The following TMEM178B variants were observed in gnomAD, a reference collection of about 807,000 sequenced individuals.
TMEM178B encodes transmembrane protein 178B.
A neutral mutation model predicts 31.0 loss-of-function variants in TMEM178B; 5 were observed. That is an observed-to-expected ratio of 0.16 (90% CI 0.08 to 0.34). TMEM178B has a LOEUF of 0.34. TMEM178B is among the 10% of genes least tolerant of loss of function. The probability of loss-of-function intolerance (pLI) is 1.00; values close to 1 mark genes in which losing one functional copy is unlikely to be tolerated. For synonymous variants in TMEM178B, 164 were observed against 164.0 expected (o/e 1.00, Z 0.00); for missense variants, 275 against 400.3 (o/e 0.69, Z 2.67).
At chr7:141,215,855 T>C (rs555431369) in intron 2 of TMEM178B, among the ~76,000 whole-genome samples, 2,692 of 141,680 alleles carry the variant, frequency 0.019, 85 homozygotes, top group Admixed American at 0.04. Context: ...TTTCTTTTCT[T>C]TCTCTTTCTT....
chr7:141,455,305 C>A (rs934091784), intron 3 of TMEM178B, among the ~76,000 whole-genome samples: 1 of 152,160 alleles, frequency 6.6e-6, no homozygotes, highest in Admixed American at 6.5e-5. Flanking sequence ...ACCAACTCAG[C>A]CTGAGTCTGA....
In TMEM178B at chr7:141,316,183, G is replaced by A. The variant is rs554130205; in HGVS notation, c.496+103479G>A. ...ACTTGGCCCTGTTGACTTTTGCATT[G>A]AAGGATATTAAAGAAAGACAAGATT... On this transcript the variant is annotated intron_variant, in intron 2 of 3. Coordinates refer to ENST00000565468, the MANE Select transcript of TMEM178B (RefSeq NM_001195278.2). 2.0e-5 allele frequency among the ~76,000 whole-genome samples: 3 copies of A among 152,268 alleles called. No homozygotes were observed. The South Asian group carries it at 6.2e-4, about 32-fold the overall frequency.
At chr7:141,221,093 G>C (rs1797250244) in intron 2 of TMEM178B, among the ~76,000 whole-genome samples, 1 of 151,904 alleles carries the variant, frequency 6.6e-6, no homozygotes, top group African/African-American at 2.4e-5. Context: ...TCATTGCAGG[G>C]GAAAAAAAAC....
intron 2 of TMEM178B, among the ~76,000 whole-genome samples, chr7:141,220,436 T>A (rs1797239546): frequency 6.6e-6 from 1 of 151,990 alleles, no homozygotes; most frequent in Non-Finnish European, 1.5e-5. Flanking sequence ...GGGTCAGTGA[T>A]TAAAATGCGC....
intron 2 of TMEM178B, among the ~76,000 whole-genome samples, chr7:141,294,456 T>A (rs150995393): frequency 9.2e-5 from 14 of 152,180 alleles, no homozygotes; most frequent in Non-Finnish European, 1.9e-4. Flanking sequence ...CTGGACTATG[T>A]ACATAAAGAT....
At chr7:141,486,413 G>A in the TMEM178B span, among the ~76,000 whole-genome samples, 1 of 152,146 alleles carries the variant, frequency 6.6e-6, no homozygotes, top group Non-Finnish European at 1.5e-5. Context: ...TTAAAAAAGA[G>A]CCCTGCTTCA....
intron 3 of TMEM178B, among the ~76,000 whole-genome samples, chr7:141,451,055 C>T (rs190456425): frequency 6.6e-6 from 1 of 152,306 alleles, no homozygotes; most frequent in African/African-American, 2.4e-5. Context: ...CTCCTCCACT[C>T]CCACCAGCAA....
rs551137621 is a variant in TMEM178B at position 141,319,720 on chromosome 7, T to A, written c.496+107016T>A. Among the ~76,000 whole-genome samples the A allele has an allele frequency of 2.1e-4, 32 of 152,318 alleles. No individual in the cohort carries two copies. In the South Asian group the frequency reaches 5.8e-3, roughly 28 times the overall value. On this transcript the variant is annotated intron_variant, in intron 2 of 3. Coordinates refer to ENST00000565468, the MANE Select transcript of TMEM178B (RefSeq NM_001195278.2). ...GCCTGGCTAATTTTGGTGTTTTTAG[T>A]AGAGACGGGGTTTCACCATGTTGGC...
rs188006195 is a variant in TMEM178B, at chr7:141,479,768, C to G, written c.*8982C>G. ...GTTTATGGCCCACCAGATTATTGCT[C>G]AGTCAATATAAATTTATTTACCTTT... On this transcript the variant is annotated 3_prime_UTR_variant, in exon 4 of 4. Coordinates refer to ENST00000565468, the MANE Select transcript of TMEM178B (RefSeq NM_001195278.2). The G allele has an allele frequency of 6.6e-5, 10 of 152,294 alleles. No individual in the cohort carries two copies. Among genetic ancestry groups the G allele is most frequent in the Admixed American group, 4.6e-4 (7 of 15,302 alleles). 9.4% of individuals were successfully genotyped at this position (152,294 alleles called of 1,614,324 possible).
chr7:141,427,966 A>G (rs1801351139), intron 2 of TMEM178B, among the ~76,000 whole-genome samples: 1 of 152,230 alleles, frequency 6.6e-6, no homozygotes, highest in South Asian at 2.1e-4. Context: ...CAATATCACT[A>G]ATCGTCAGGG....
At chr7:141,207,939 C>T (rs562019124) in intron 1 of TMEM178B, among the ~76,000 whole-genome samples, 14 of 152,088 alleles carry the variant, frequency 9.2e-5, no homozygotes, top group African/African-American at 2.9e-4. Context: ...CCTATAATCC[C>T]AGCAATTTAG....
intron 2 of TMEM178B, among the ~76,000 whole-genome samples, chr7:141,392,116 TA>T (rs1357558146): frequency 2.6e-5 from 4 of 152,096 alleles, no homozygotes; most frequent in African/African-American, 9.7e-5. Flanking sequence ...TTTAGGCATG[TA>T]CAAAAGTTGA....
intron 3 of TMEM178B, 45 bp from the exon 4 acceptor site, chr7:141,470,491 T>G: frequency 7.0e-7 from 1 of 1,437,556 alleles, no homozygotes; most frequent in Admixed American, 2.5e-5. Flanking sequence ...CTCTCCCCTT[T>G]CCTTCTCCAT....
rs1322424415 is a variant in TMEM178B at position 141,228,164 on chromosome 7, TATTTA to T, written c.496+15463_496+15467del. On this transcript the variant is annotated intron_variant, in intron 2 of 3. Coordinates refer to ENST00000565468, the MANE Select transcript of TMEM178B (RefSeq NM_001195278.2). ...AGGTCTCACATCATTTTTATTGTGT[TATTTA>T]ATAAGATCACTTTGATTATGATCAT... Among the ~76,000 whole-genome samples the T allele has an allele frequency of 8.5e-5, 13 of 152,220 alleles. 2 individuals are homozygous for T.
chr7:141,241,590 CAAAAAAAAAAAAAA>C (rs766018973), intron 2 of TMEM178B, among the ~76,000 whole-genome samples: 1 of 75,972 alleles, frequency 1.3e-5, no homozygotes, highest in Non-Finnish European at 2.4e-5. Context: ...GACTTCGTCT[CAAAAAAAAAAAAAA>C]AAAAAAAAAG....
At chr7:141,181,419 T>A (rs1000748868) in intron 1 of TMEM178B, among the ~76,000 whole-genome samples, 1 of 152,030 alleles carries the variant, frequency 6.6e-6, no homozygotes, top group Non-Finnish European at 1.5e-5. Flanking sequence ...TGTAGACAGG[T>A]TGACTCTGGA....
At chr7:141,487,904 G>A in the TMEM178B span, among the ~76,000 whole-genome samples, 11 of 152,064 alleles carry the variant, frequency 7.2e-5, no homozygotes, top group South Asian at 4.2e-4. Flanking sequence ...CTCCTTCCCC[G>A]CAGTGGCATC....
Position 141,347,428 on chromosome 7 carries a change from C to T in TMEM178B, c.497-90180C>T, listed in dbSNP as rs568843680. Among the ~76,000 whole-genome samples, 20 of 152,254 alleles carry T rather than the reference C, an allele frequency of 1.3e-4. No individual in the cohort carries two copies. The South Asian group carries it at 3.5e-3, about 27-fold the overall frequency. On this transcript the variant is annotated intron_variant, in intron 2 of 3. Coordinates refer to ENST00000565468, the MANE Select transcript of TMEM178B (RefSeq NM_001195278.2). ...CATTGGAGACAGGCATACAGTCTCT[C>T]GGGTCTCCTGGCAGAGCTGGTTTTC... is the stretch of plus-strand genomic sequence containing the variant.
chr7:141,430,182 C>T (rs1490300406), intron 2 of TMEM178B: 5 of 152,196 alleles, frequency 3.3e-5, no homozygotes, highest in Non-Finnish European at 7.3e-5. Flanking sequence ...TTCACCTTGG[C>T]CTCTCCAGGT....
Sources: gnomAD v4.1 joint callset for allele counts (sites outside exome capture counted in the v4.1 genomes callset) on GRCh38, gnomAD v4.1.1 for gene constraint, MANE v1.5 for transcripts, NCBI Gene and HGNC (gene_info 2026-07-23, HGNC 2026-07-21) for gene names.